Variants in PCNX1 observed in about 807,000 individuals in gnomAD.
PCNX1 encodes the protein pecanex 1, also known as pecanex-like protein 1.
Under a neutral mutation model 242.2 loss-of-function variants are expected in PCNX1, and 78 were observed. The observed-to-expected ratio is 0.32, with a 90% CI of 0.27 to 0.39. PCNX1 has a LOEUF of 0.39. Ranked by LOEUF, PCNX1 falls within the 10% of genes least tolerant of loss-of-function variation. The pLI is 1.00. For synonymous variants in PCNX1, 1,024 were observed against 1,032.9 expected, an observed-to-expected ratio of 0.99 and a Z score of 0.17; for missense variants, 2,581 against 2,856.5, an observed-to-expected ratio of 0.90 and a Z score of 2.20.
At position 70,993,721 on chromosome 14, in the gene PCNX1, G is replaced by A. The variant is rs1005162307; in HGVS notation, c.2445-2020G>A. Among the ~76,000 whole-genome samples the A allele has an allele frequency of 2.3e-4, 35 of 152,128 alleles. 1 individual carries two copies. The highest frequency in any genetic ancestry group is 1.3e-4 in the Non-Finnish European group (9 of 68,032). On this transcript the variant is annotated intron_variant, in intron 7 of 35. Coordinates refer to ENST00000304743, the MANE Select transcript of PCNX1 (RefSeq NM_014982.3). Reference sequence around the variant, plus strand: ...ATCGATAGAAAAATTTGTTGAGTACGTATTTTGTAAAATTCTGTGTCTTCT... The same window carrying A: ...ATCGATAGAAAAATTTGTTGAGTACATATTTTGTAAAATTCTGTGTCTTCT...
chr14:71,045,818 A>T lies in PCNX1; in HGVS notation c.4018+535A>T, dbSNP rs893403888. 1.6e-4 allele frequency among the ~76,000 whole-genome samples: 24 copies of T among 152,214 alleles called. 1 individual carries two copies. Among genetic ancestry groups the T allele is most frequent in the African/African-American group, 5.8e-4 (24 of 41,468 alleles). Reference sequence around the variant, plus strand: ...TAGCTGTTATTAGTTCAGATTTGCAATAAAGTATAAAAGGATGGAAAAGAG... The same window carrying T: ...TAGCTGTTATTAGTTCAGATTTGCATTAAAGTATAAAAGGATGGAAAAGAG... On this transcript the variant is annotated intron_variant, in intron 20 of 35. Transcript: ENST00000304743.
intron 5 of PCNX1, among the ~76,000 whole-genome samples, chr14:70,970,401 A>G (rs987080521): frequency 6.6e-6 from 1 of 152,122 alleles, no homozygotes; most frequent in Non-Finnish European, 1.5e-5. Flanking sequence ...ATCAGTCAAT[A>G]TCAATTTCTT....
At chr14:70,920,102 A>G (rs1273996673) in intron 1 of PCNX1, among the ~76,000 whole-genome samples, 1 of 152,068 alleles carries the variant, frequency 6.6e-6, no homozygotes, top group African/African-American at 2.4e-5. Context: ...CAACAGATCT[A>G]ATTATTGCAG....
Position 71,012,347 on chromosome 14 carries a change from G to A in PCNX1, c.2779-638G>A, listed in dbSNP as rs116333962. The A allele has an allele frequency of 5.2e-3, 805 of 154,894 alleles. 6 individuals are homozygous for A. Among genetic ancestry groups the A allele is most frequent in the African/African-American group, 0.018 (760 of 41,522 alleles). The allele number at this position is 154,894 out of a possible 1,614,324, so 9.6% of individuals were successfully genotyped here. A position where few individuals can be genotyped will look rare whatever the true frequency, so the allele number is the denominator to read the frequency against. On this transcript the variant is annotated intron_variant, in intron 10 of 35. Coordinates refer to ENST00000304743, the MANE Select transcript of PCNX1 (RefSeq NM_014982.3). ...AAGCCACTAACGATTCACAGTAAGT[G>A]GTTTTAGTAGATTCGCTAGCTATAC...
At chr14:71,013,962 T>G (rs1465835778) in intron 11 of PCNX1, among the ~76,000 whole-genome samples, 1 of 152,130 alleles carries the variant, frequency 6.6e-6, no homozygotes, top group African/African-American at 2.4e-5. Context: ...ACCTTAGAGA[T>G]CTGCATTGAG....
chr14:71,089,895 C>T (rs1198758604), intron 30 of PCNX1, among the ~76,000 whole-genome samples: 1 of 152,082 alleles, frequency 6.6e-6, no homozygotes, highest in Non-Finnish European at 1.5e-5. Context: ...ACCTATGTTT[C>T]TAATAGTAAA....
intron 1 of PCNX1, among the ~76,000 whole-genome samples, chr14:70,917,672 T>A (rs751075013): frequency 6.6e-6 from 1 of 152,210 alleles, no homozygotes; most frequent in Non-Finnish European, 1.5e-5. Context: ...GGAATAATTC[T>A]TAAGGGCTCT....
chr14:71,091,369 T>C (rs2062125195), intron 30 of PCNX1, among the ~76,000 whole-genome samples: 2 of 152,210 alleles, frequency 1.3e-5, no homozygotes, highest in Admixed American at 6.5e-5. Context: ...AAAGGATATA[T>C]GCATCTACCT....
At position 71,050,681 on chromosome 14, in the gene PCNX1, T is replaced by C; in HGVS notation, c.4368T>C (p.Phe1456=). ...GGGAACTACTTTATAAATTGCAGTT[T>C]GTGTATACCTATATTGCCCCATGGC... ...KLWELLYKLQ[F]VYTYIAPWQI... Residue 1456 remains phenylalanine, a synonymous_variant, in exon 23 of 36, where the codon TTT becomes TTC. Transcript: ENST00000304743. 2.5e-6 allele frequency: 4 copies of C among 1,608,482 alleles called. No homozygotes were observed. Among genetic ancestry groups the C allele is most frequent in the Non-Finnish European group, 3.4e-6 (4 of 1,177,494 alleles).
intron 1 of PCNX1, among the ~76,000 whole-genome samples, chr14:70,912,746 T>C (rs2055979980): frequency 6.6e-6 from 1 of 152,206 alleles, no homozygotes; most frequent in African/African-American, 2.4e-5. Flanking sequence ...CCAGAATCTT[T>C]ATTAAGCCAC....
At chr14:70,963,946 GGTT>G (rs1566629558) in intron 3 of PCNX1, among the ~76,000 whole-genome samples, 2 of 152,152 alleles carry the variant, frequency 1.3e-5, no homozygotes, top group Non-Finnish European at 2.9e-5. Context: ...AGAACATGTA[GGTT>G]GTTAAATTTA....
chr14:71,041,613 A>G (rs141471469), intron 19 of PCNX1, among the ~76,000 whole-genome samples: 11 of 151,990 alleles, frequency 7.2e-5, no homozygotes, highest in East Asian at 3.9e-4. Flanking sequence ...AGGTATGTCA[A>G]TTTTATTTAT....
chr14:70,988,246 G>A (rs2140244927), intron 6 of PCNX1, among the ~76,000 whole-genome samples: 1 of 152,200 alleles, frequency 6.6e-6, no homozygotes, highest in South Asian at 2.1e-4. Context: ...AGGAATATGG[G>A]ACCAAAATAA....
At chr14:70,947,806 A>C (rs1356269152) in intron 2 of PCNX1, among the ~76,000 whole-genome samples, 1 of 152,220 alleles carries the variant, frequency 6.6e-6, no homozygotes, top group East Asian at 1.9e-4. Flanking sequence ...ACAGAGTCAT[A>C]TTTCTCTTCT....
rs1024022792 is a variant in PCNX1, at chr14:71,057,742, C to G, written c.4852+18C>G. The G allele has an allele frequency of 6.5e-7, 1 of 1,547,326 alleles. No individual in the cohort carries two copies. Among genetic ancestry groups the G allele is most frequent in the Non-Finnish European group, 8.9e-7 (1 of 1,120,076 alleles). ...ATTCAGAGGTAAGACATTCATTCAC[C>G]TTTTATTTCTGTAGCATACTCCTGT... is the stretch of plus-strand genomic sequence containing the variant. On this transcript the variant is annotated intron_variant, in intron 26 of 35. Coordinates refer to ENST00000304743, the MANE Select transcript of PCNX1 (RefSeq NM_014982.3).
In PCNX1 at chr14:70,988,575, G is replaced by C; in HGVS notation, c.2320G>C (p.Ala774Pro). 1 of 1,613,994 alleles carries C rather than the reference G, an allele frequency of 6.2e-7. No homozygotes were observed. ...EQDAVSGAAQ[A>P]SEEAVSFRRE... ...AGTCTGTCTTGATGCAGCAGCACAA[G>C]CCAGCGAGGAGGCAGTGTCATTTCG... The change falls in exon 7 of 36, where the codon GCC (alanine) becomes CCC (proline). Residue 774 changes from alanine (A) to proline (P), a missense_variant. Ala to Pro is a conservative substitution (Grantham distance 27, BLOSUM62 -1). Around this residue, in one of 9 missense-constraint regions of PCNX1, gnomAD observed 1,204 missense variants for 1,216.7 expected, o/e 0.99. Transcript: ENST00000304743.
chr14:70,975,203 TATTA>T (rs1348876658), intron 5 of PCNX1, among the ~76,000 whole-genome samples: 2 of 152,016 alleles, frequency 1.3e-5, no homozygotes, highest in African/African-American at 2.4e-5. Context: ...GATAATTGCT[TATTA>T]GAGATAAAGA....
chr14:71,076,495 A>T (rs983779756), intron 28 of PCNX1, 76 bp downstream of exon 28: 1 of 924,578 alleles, frequency 1.1e-6, no homozygotes, highest in Non-Finnish European at 1.7e-6. Flanking sequence ...GTTAGTTCTT[A>T]TGAGGTCAGT....
intron 15 of PCNX1, among the ~76,000 whole-genome samples, 198 bp from the exon 16 acceptor site, chr14:71,028,502 A>G (rs910116244): frequency 6.6e-6 from 1 of 152,020 alleles, no homozygotes; most frequent in African/African-American, 2.4e-5. Context: ...CTCGTAACAA[A>G]GACTCAGGAT....
Sources: allele counts gnomAD v4.1 joint callset (sites outside exome capture counted in the v4.1 genomes callset), GRCh38; gene constraint gnomAD v4.1.1; regional missense constraint gnomAD v4.1.1; transcripts MANE v1.5; gene names NCBI Gene and HGNC (gene_info 2026-07-23, HGNC 2026-07-21).